The following EXOC5 variants were observed in gnomAD, a reference collection of about 807,000 sequenced individuals.
EXOC5 encodes SEC10-like 1.
EXOC5 carries 17 observed loss-of-function variants against 90.8 expected under a neutral mutation model. That is an observed-to-expected ratio of 0.19 (90% CI 0.13 to 0.28). The LOEUF (loss-of-function observed/expected upper bound fraction) is 0.28, where lower values mean the gene tolerates loss of function less well. Ranked by LOEUF, EXOC5 falls within the 10% of genes least tolerant of loss-of-function variation. The pLI is 1.00. For synonymous variants in EXOC5, 260 were observed against 270.0 expected, an observed-to-expected ratio of 0.96 and a Z score of 0.36; for missense variants, 569 against 830.6, an observed-to-expected ratio of 0.69 and a Z score of 3.87.
At chr14:57,264,638 C>T (rs1460061708) in intron 1 of EXOC5, among the ~76,000 whole-genome samples, 1 of 152,168 alleles carries the variant, frequency 6.6e-6, no homozygotes, top group African/African-American at 2.4e-5. Flanking sequence ...CCCTTATCTC[C>T]AGGGCCTACA....
chr14:57,208,349 G>A lies in EXOC5; in HGVS notation c.*260C>T, dbSNP rs1882719052. Reference sequence around the variant, plus strand: ...ATAAAAACAGTGACATGTAGTTTTAGAGAATCTGAAATTTCTACATTCAAG... The same window carrying A: ...ATAAAAACAGTGACATGTAGTTTTAAAGAATCTGAAATTTCTACATTCAAG... On this transcript the variant is annotated 3_prime_UTR_variant, in exon 18 of 18. Transcript: ENST00000621441. 1 of 323,018 alleles carries A rather than the reference G, an allele frequency of 3.1e-6. No individual in the cohort carries two copies. The highest frequency in any genetic ancestry group is 4.5e-5 in the Admixed American group (1 of 21,992). The allele number at this position is 323,018 out of a possible 1,614,324, so 20.0% of individuals were successfully genotyped here.
intron 1 of EXOC5, among the ~76,000 whole-genome samples, chr14:57,254,327 T>C (rs950872869): frequency 6.6e-6 from 1 of 151,634 alleles, no homozygotes; most frequent in Non-Finnish European, 1.5e-5. Flanking sequence ...CCCAGCTCTT[T>C]GGGAGTCTGA....
intron 12 of EXOC5, among the ~76,000 whole-genome samples, chr14:57,229,286 A>G (rs1251634687): frequency 6.6e-6 from 1 of 152,222 alleles, no homozygotes; most frequent in African/African-American, 2.4e-5. Context: ...TCCTAATCAG[A>G]GTAAATTTAT....
chr14:57,232,783 G>T, intron 9 of EXOC5, 34 bp from the exon 10 acceptor site: 2 of 996,566 alleles, frequency 2.0e-6, no homozygotes, highest in Non-Finnish European at 3.1e-6. Flanking sequence ...TGTTAATTAG[G>T]TAAATATTAA....
chr14:57,229,876 T>C lies in EXOC5; in HGVS notation c.1154A>G (p.Gln385Arg), dbSNP rs202126992. 1 of 1,436,818 alleles carries C rather than the reference T, an allele frequency of 7.0e-7. No individual in the cohort carries two copies. The highest frequency in any genetic ancestry group is 9.3e-7 in the Non-Finnish European group (1 of 1,072,104). The allele number at this position is 1,436,818 out of a possible 1,614,324, so 89.0% of individuals were successfully genotyped here. A position where few individuals can be genotyped will look rare whatever the true frequency, so the allele number is the denominator to read the frequency against. ...QKRSIGTGGIQDLKERIRQRT... is the reference protein window; with the variant it reads ...QKRSIGTGGIRDLKERIRQRT... ...CTGTCTAATTCTTTCCTTCAAATCT[T>C]GAATACTAGTACATCATAAAGACAA... The change falls in exon 12 of 18, where the codon CAA becomes CGA. Residue 385 changes from glutamine (Q) to arginine (R), a missense_variant. By Grantham distance (43) the Gln-to-Arg change is conservative (BLOSUM62 1). Coordinates refer to ENST00000621441, the MANE Select transcript of EXOC5 (RefSeq NM_006544.4).
chr14:57,236,537 C>T (rs1221688388), intron 6 of EXOC5, among the ~76,000 whole-genome samples: 4 of 151,990 alleles, frequency 2.6e-5, no homozygotes, highest in African/African-American at 4.8e-5. Context: ...CCACCCGCCT[C>T]GGCCTCCCAA....
chr14:57,239,833 T>C (rs753681853), intron 4 of EXOC5, among the ~76,000 whole-genome samples, 174 bp from the exon 5 acceptor site: 29 of 152,142 alleles, frequency 1.9e-4, no homozygotes, highest in Non-Finnish European at 3.7e-4. Flanking sequence ...AGAATACATT[T>C]GGGGTGTTAC....
intron 3 of EXOC5, 148 bp downstream of exon 3, chr14:57,246,561 ATT>A: frequency 2.9e-6 from 2 of 698,146 alleles, no homozygotes; most frequent in East Asian, 5.2e-5. Flanking sequence ...ATAACAATTC[ATT>A]AACATTTTAC....
Position 57,231,526 on chromosome 14 carries a change from C to G in EXOC5, c.1128G>C (p.Lys376Asn). The part of the protein sequence containing the change: ...QRYYDSKNHQ[K>N]RSIGTGGIQD... ...CTCACCCTCCTGTGCCAATGGATCT[C>G]TTTTGATGGTTTTTCGAATCATAAT... The change falls in exon 11 of 18, where the codon AAG becomes AAC. Residue 376 changes from lysine (K) to asparagine (N), a missense_variant. Lys to Asn is a moderately conservative substitution (Grantham distance 94). Coordinates refer to ENST00000621441, the MANE Select transcript of EXOC5 (RefSeq NM_006544.4). The G allele has an allele frequency of 6.2e-7, 1 of 1,610,830 alleles. No individual in the cohort carries two copies.
chr14:57,267,713 A>G (rs946800731), intron 1 of EXOC5, among the ~76,000 whole-genome samples: 27 of 152,302 alleles, frequency 1.8e-4, no homozygotes, highest in African/African-American at 6.5e-4. Flanking sequence ...TATTATCTCA[A>G]ACTTTTATCA....
intron 4 of EXOC5, 43 bp from the exon 5 acceptor site, chr14:57,239,702 G>A (rs1272227337): frequency 3.3e-6 from 4 of 1,202,972 alleles, no homozygotes; most frequent in African/African-American, 3.1e-5. Flanking sequence ...AAAACTTTTA[G>A]GCATATCAAA....
At chr14:57,228,093 C>A (rs1470373133) in intron 12 of EXOC5, among the ~76,000 whole-genome samples, 1 of 151,622 alleles carries the variant, frequency 6.6e-6, no homozygotes, top group Non-Finnish European at 1.5e-5. Flanking sequence ...AGTTAACAAA[C>A]ATGAAAAAAA....
At chr14:57,228,976 C>T (rs1883398523) in intron 12 of EXOC5, among the ~76,000 whole-genome samples, 1 of 151,758 alleles carries the variant, frequency 6.6e-6, no homozygotes, top group Admixed American at 6.6e-5. Flanking sequence ...ATCACTCTGA[C>T]TTATCTGTTT....
chr14:57,266,369 T>A (rs1884668861), intron 1 of EXOC5, among the ~76,000 whole-genome samples: 2 of 152,168 alleles, frequency 1.3e-5, no homozygotes, highest in Admixed American at 1.3e-4. Context: ...GAGATCAACT[T>A]TTCACTTGGG....
At chr14:57,217,344 T>G (rs1273913707) in intron 15 of EXOC5, among the ~76,000 whole-genome samples, 1 of 152,210 alleles carries the variant, frequency 6.6e-6, no homozygotes, top group Non-Finnish European at 1.5e-5. Flanking sequence ...AGTTGCAGGC[T>G]TATGGCAACG....
intron 1 of EXOC5, among the ~76,000 whole-genome samples, chr14:57,264,470 T>C (rs1226576538): frequency 6.6e-6 from 1 of 152,066 alleles, no homozygotes; most frequent in East Asian, 1.9e-4. Context: ...TTACCTGACC[T>C]CAAGCACTAT....
intron 5 of EXOC5, among the ~76,000 whole-genome samples, chr14:57,238,428 A>ATG (rs1883749458): frequency 6.7e-6 from 1 of 150,190 alleles, no homozygotes; most frequent in Admixed American, 6.7e-5. Flanking sequence ...ATTCATATAT[A>ATG]TATGTATATA....
intron 1 of EXOC5, chr14:57,268,201 C>T: frequency 4.2e-6 from 1 of 237,346 alleles, no homozygotes; most frequent in South Asian, 6.3e-5. Flanking sequence ...CAAGTGGCTT[C>T]CTCCTATTAT....
At chr14:57,233,544 A>G (rs1015101329) in intron 9 of EXOC5, among the ~76,000 whole-genome samples, 199 bp downstream of exon 9, 1 of 152,146 alleles carries the variant, frequency 6.6e-6, no homozygotes, top group Non-Finnish European at 1.5e-5. Context: ...TTCTCTGATG[A>G]TACTTATTGA....
Sources: allele counts gnomAD v4.1 joint callset (sites outside exome capture counted in the v4.1 genomes callset), GRCh38; gene constraint gnomAD v4.1.1; transcripts MANE v1.5; gene names NCBI Gene and HGNC (gene_info 2026-07-23, HGNC 2026-07-21).